The following ASIC2 variants were observed in gnomAD, a reference collection of about 807,000 sequenced individuals.
The protein encoded by ASIC2 is acid sensing ion channel subunit 2.
ASIC2 carries 25 observed loss-of-function variants against 57.3 expected under a neutral mutation model. The ratio of observed to expected loss-of-function variants is 0.44; its 90% CI spans 0.32 to 0.61. ASIC2 has a LOEUF of 0.61. ASIC2 is among the 20% of genes least tolerant of loss of function. ASIC2 has a pLI of 0.06. For missense variants in ASIC2, 641 were observed against 738.1 expected (o/e 0.87, Z 1.52); for synonymous variants, 319 against 307.5 (o/e 1.04, Z -0.39).
intron 1 of ASIC2, among the ~76,000 whole-genome samples, chr17:33,190,182 A>AG (rs1365521114): frequency 6.6e-6 from 1 of 152,226 alleles, no homozygotes; most frequent in East Asian, 1.9e-4. Flanking sequence ...AAATGTGTTT[A>AG]GTAAGGCTGA....
chr17:33,581,739 G>T (rs564856549), intron 1 of ASIC2, among the ~76,000 whole-genome samples: 2 of 152,330 alleles, frequency 1.3e-5, no homozygotes, highest in Admixed American at 1.3e-4. Context: ...AAGTGAATTG[G>T]TGTCCTATGC....
intron 1 of ASIC2, among the ~76,000 whole-genome samples, chr17:33,646,977 T>G (rs1906760829): frequency 6.6e-6 from 1 of 151,918 alleles, no homozygotes; most frequent in Non-Finnish European, 1.5e-5. Context: ...ATTTTGAGCT[T>G]TGGAAGATGA....
At chr17:33,246,533 G>A (rs1246252543) in intron 1 of ASIC2, among the ~76,000 whole-genome samples, 1 of 152,176 alleles carries the variant, frequency 6.6e-6, no homozygotes, top group African/African-American at 2.4e-5. Flanking sequence ...TGGGGTCGGG[G>A]AACTTCTGGG....
At chr17:33,443,955 TG>T (rs1051794034) in intron 1 of ASIC2, among the ~76,000 whole-genome samples, 5 of 152,222 alleles carry the variant, frequency 3.3e-5, no homozygotes, top group African/African-American at 1.2e-4. Context: ...ACCCAGCACT[TG>T]CGCTCAAACA....
chr17:33,858,757 G>A (rs965501137), intron 1 of ASIC2, among the ~76,000 whole-genome samples: 2 of 152,190 alleles, frequency 1.3e-5, no homozygotes, highest in African/African-American at 4.8e-5. Flanking sequence ...CATATGCATC[G>A]ATCTCACCCA....
chr17:33,030,770 CATG>C (rs1567721442), intron 3 of ASIC2, among the ~76,000 whole-genome samples: 1 of 152,126 alleles, frequency 6.6e-6, no homozygotes, highest in Non-Finnish European at 1.5e-5. Flanking sequence ...GAGATGATCA[CATG>C]ATTTTTCTCC....
chr17:33,575,780 G>C (rs546623828), intron 1 of ASIC2, among the ~76,000 whole-genome samples: 2 of 152,270 alleles, frequency 1.3e-5, no homozygotes, highest in Admixed American at 1.3e-4. Context: ...TTCATGGGCA[G>C]AGGGGCAGGC....
intron 1 of ASIC2, among the ~76,000 whole-genome samples, chr17:33,746,011 A>T (rs1308205999): frequency 6.6e-6 from 1 of 152,132 alleles, no homozygotes; most frequent in Non-Finnish European, 1.5e-5. Context: ...GAAATATAAT[A>T]TATTTAACAA....
At chr17:33,079,553 G>T (rs2092103937) in intron 3 of ASIC2, among the ~76,000 whole-genome samples, 1 of 152,150 alleles carries the variant, frequency 6.6e-6, no homozygotes, top group African/African-American at 2.4e-5. Flanking sequence ...GGTTCATGAG[G>T]GAGGGAGATG....
chr17:34,111,321 A>ATTATG, intron 1 of ASIC2, among the ~76,000 whole-genome samples: 1 of 148,346 alleles, frequency 6.7e-6, no homozygotes, highest in African/African-American at 2.4e-5. Flanking sequence ...ATTATATTAT[A>ATTATG]TTATGTTATA....
At chr17:33,993,229 TGTAATTAAGCAGTAAG>T (rs1906054459) in intron 1 of ASIC2, among the ~76,000 whole-genome samples, 1 of 152,218 alleles carries the variant, frequency 6.6e-6, no homozygotes, top group Non-Finnish European at 1.5e-5. Context: ...GTAGCTTCCC[TGTAATTAAGCAGTAAG>T]GTTACAAGGA....
chr17:34,085,853 T>C (rs1157354819), intron 1 of ASIC2, among the ~76,000 whole-genome samples: 1 of 151,850 alleles, frequency 6.6e-6, no homozygotes. Context: ...TCTCTGATGG[T>C]AGTTTGTATT....
chr17:33,071,568 G>T (rs1555567746), intron 3 of ASIC2, among the ~76,000 whole-genome samples: 1 of 152,074 alleles, frequency 6.6e-6, no homozygotes, highest in Non-Finnish European at 1.5e-5. Context: ...CTCATCATAG[G>T]TCATATTTTC....
At chr17:34,120,984 C>A (rs1456572342) in intron 1 of ASIC2, among the ~76,000 whole-genome samples, 5 of 152,030 alleles carry the variant, frequency 3.3e-5, no homozygotes, top group African/African-American at 1.2e-4. Context: ...AAGTGATCCA[C>A]CCGCCTCAGC....
chr17:33,074,944 G>T (rs1359844830), intron 3 of ASIC2, among the ~76,000 whole-genome samples: 1 of 152,162 alleles, frequency 6.6e-6, no homozygotes, highest in Non-Finnish European at 1.5e-5. Context: ...TGTTACAGAG[G>T]CCTCCTCATG....
At chr17:33,620,708 A>G (rs562272838) in intron 1 of ASIC2, among the ~76,000 whole-genome samples, 1 of 152,358 alleles carries the variant, frequency 6.6e-6, no homozygotes, top group Admixed American at 6.5e-5. Context: ...CTTATGAGGT[A>G]GAAAAGATGA....
intron 1 of ASIC2, among the ~76,000 whole-genome samples, chr17:33,818,674 C>T (rs933521083): frequency 6.6e-6 from 1 of 152,214 alleles, no homozygotes; most frequent in Non-Finnish European, 1.5e-5. Context: ...ACTGCCCCCA[C>T]AACAAAGAAT....
intron 2 of ASIC2, among the ~76,000 whole-genome samples, chr17:33,096,071 G>A (rs912772888): frequency 1.3e-5 from 2 of 152,180 alleles, no homozygotes; most frequent in African/African-American, 4.8e-5. Context: ...TGCCTGTGTG[G>A]GTGTGCATGC....
intron 1 of ASIC2, among the ~76,000 whole-genome samples, chr17:33,956,975 C>T (rs1904754939): frequency 6.6e-6 from 1 of 152,220 alleles, no homozygotes. Flanking sequence ...TGGCCATGGG[C>T]CTGGCAGCTG....
Sources: allele counts gnomAD v4.1 joint callset (sites outside exome capture counted in the v4.1 genomes callset), GRCh38; gene constraint gnomAD v4.1.1; transcripts MANE v1.5; gene names NCBI Gene and HGNC (gene_info 2026-07-23, HGNC 2026-07-21).